CFAP61: variants seen among roughly 807,000 people sequenced by gnomAD.
CFAP61 encodes the protein cilia- and flagella-associated protein 61.
Under a neutral mutation model 135.6 loss-of-function variants are expected in CFAP61, and 107 were observed. The ratio of observed to expected loss-of-function variants is 0.79; its 90% CI spans 0.67 to 0.93. The LOEUF is 0.93. CFAP61 is among the 40% of genes least tolerant of loss of function. The probability of loss-of-function intolerance (pLI) is 0.00; values close to 1 mark genes in which losing one functional copy is unlikely to be tolerated. For synonymous variants in CFAP61, 575 were observed against 578.5 expected (o/e 0.99, Z 0.09); for missense variants, 1,507 against 1,556.2 (o/e 0.97, Z 0.53).
intron 9 of CFAP61, among the ~76,000 whole-genome samples, chr20:20,150,183 C>T (rs1248820200): frequency 2.0e-5 from 3 of 152,092 alleles, no homozygotes; most frequent in African/African-American, 7.2e-5. Context: ...CACCCCCCTA[C>T]ACTCCAAAGT....
intron 21 of CFAP61, among the ~76,000 whole-genome samples, chr20:20,267,044 GTC>G (rs1411367386): frequency 6.6e-6 from 1 of 152,180 alleles, no homozygotes; most frequent in African/African-American, 2.4e-5. Context: ...GAGGATATCA[GTC>G]TCTATTTAAA....
chr20:20,333,974 A>G (rs116382197), intron 25 of CFAP61, among the ~76,000 whole-genome samples: 3,943 of 152,056 alleles, frequency 0.026, 170 homozygotes, highest in African/African-American at 0.091. Context: ...CAGCTCACAG[A>G]CAACACACAT....
At chr20:20,098,549 C>T (rs1196541254) in intron 7 of CFAP61, 106 bp from the exon 8 acceptor site, 11 of 970,530 alleles carry the variant, frequency 1.1e-5, no homozygotes, top group South Asian at 9.4e-5. Context: ...GCGGAGGTTG[C>T]GGTGAGCCAA....
chr20:20,056,006 T>G, intron 1 of CFAP61: 1 of 1,608,854 alleles, frequency 6.2e-7, no homozygotes, highest in Non-Finnish European at 8.5e-7. Context: ...TCTCCACTGT[T>G]GCCGTCATTA....
intron 26 of CFAP61, among the ~76,000 whole-genome samples, chr20:20,346,413 G>A (rs1480730241): frequency 6.6e-6 from 1 of 150,960 alleles, no homozygotes; most frequent in Non-Finnish European, 1.5e-5. Context: ...AGCTACCCGG[G>A]AGGCTGAGGT....
At chr20:20,350,789 C>T (rs183321747) in intron 26 of CFAP61, among the ~76,000 whole-genome samples, 66 of 152,260 alleles carry the variant, frequency 4.3e-4, no homozygotes, top group Admixed American at 1.2e-3. Flanking sequence ...GGTCTAGCCA[C>T]GCAATGGAAT....
chr20:20,294,304 G>A (rs1423659559), intron 24 of CFAP61, among the ~76,000 whole-genome samples: 4 of 152,202 alleles, frequency 2.6e-5, no homozygotes, highest in Non-Finnish European at 5.9e-5. Context: ...ACTGTGAATA[G>A]GAGTGGCCTG....
chr20:20,171,662 TATTATGTA>T (rs1308047038), intron 13 of CFAP61: 2 of 439,354 alleles, frequency 4.6e-6, no homozygotes, highest in African/African-American at 4.1e-5. Flanking sequence ...GACCATAATT[TATTATGTA>T]ATGCATTAAC....
At chr20:20,178,738 A>G (rs533657591) in intron 13 of CFAP61, among the ~76,000 whole-genome samples, 46 of 152,086 alleles carry the variant, frequency 3.0e-4, no homozygotes, top group Admixed American at 5.2e-4. Context: ...GAAAATTACC[A>G]TTGTTCCTAT....
rs2053850446 is a variant in CFAP61 at position 20,277,394 on chromosome 20, A to G, written c.2732A>G (p.His911Arg). Residue 911 changes from histidine to arginine, a missense_variant, in exon 22 of 27, where the codon CAC (histidine) becomes CGC (arginine). By Grantham distance (29) the His-to-Arg change is conservative (BLOSUM62 0). Coordinates refer to ENST00000245957, the MANE Select transcript of CFAP61 (RefSeq NM_015585.4). ...AILAQWNDGL[H>R]PDPIYSASFT... ...CTGGCCCAGTGGAATGACGGCCTGCACCCAGACCCCATCTACAGCGCCTCC... is the reference window on the plus strand; with the variant it reads ...CTGGCCCAGTGGAATGACGGCCTGCGCCCAGACCCCATCTACAGCGCCTCC... The G allele has an allele frequency of 6.2e-7, 1 of 1,613,982 alleles. No homozygotes were observed. Among genetic ancestry groups the G allele is most frequent in the African/African-American group, 1.3e-5 (1 of 74,906 alleles).
chr20:20,303,306 GCTGTTAA>G (rs925393377), intron 25 of CFAP61, among the ~76,000 whole-genome samples: 1 of 152,098 alleles, frequency 6.6e-6, no homozygotes, highest in African/African-American at 2.4e-5. Context: ...AGGGAGTGCC[GCTGTTAA>G]CTGATGAGAG....
At chr20:20,193,147 C>G (rs2056043902) in intron 15 of CFAP61, among the ~76,000 whole-genome samples, 2 of 152,084 alleles carry the variant, frequency 1.3e-5, no homozygotes, top group Admixed American at 1.3e-4. Context: ...TACCTTTAGT[C>G]TTTTTCCAGT....
intron 8 of CFAP61, among the ~76,000 whole-genome samples, chr20:20,107,101 C>T (rs115930432): frequency 0.012 from 1,782 of 152,254 alleles, 42 homozygotes; most frequent in African/African-American, 0.041. Flanking sequence ...GTGGGTCACA[C>T]CCATTGCACT....
intron 18 of CFAP61, among the ~76,000 whole-genome samples, chr20:20,242,296 C>A (rs987907287): frequency 3.3e-5 from 5 of 152,182 alleles, no homozygotes; most frequent in Non-Finnish European, 7.4e-5. Flanking sequence ...AAAAAAAAAT[C>A]TCATCAGCAT....
intron 26 of CFAP61, among the ~76,000 whole-genome samples, chr20:20,344,108 G>C (rs936972608): frequency 3.9e-5 from 6 of 152,352 alleles, no homozygotes; most frequent in African/African-American, 1.4e-4. Context: ...TGTCAAATGG[G>C]AAAGGCCACA....
chr20:20,319,148 C>T (rs1312139308), intron 25 of CFAP61, among the ~76,000 whole-genome samples: 1 of 152,146 alleles, frequency 6.6e-6, no homozygotes, highest in Non-Finnish European at 1.5e-5. Context: ...GAAGCAGTGG[C>T]CTGCCCATAA....
rs116527156 is a variant in CFAP61 at position 20,095,144 on chromosome 20, G to A, written c.700-3511G>A. On this transcript the variant is annotated intron_variant, in intron 7 of 26. Transcript: ENST00000245957. ...CTTGAGGGTTTTTTTTTAAATGTCT[G>A]GGTCTCTATACAGTAGATATAAGAA... Among the ~76,000 whole-genome samples, 930 of 151,438 alleles carry A rather than the reference G, an allele frequency of 6.1e-3. 9 individuals are homozygous for A. Among genetic ancestry groups the A allele is most frequent in the African/African-American group, 0.022 (888 of 41,200 alleles).
intron 21 of CFAP61, among the ~76,000 whole-genome samples, chr20:20,273,538 A>G (rs1347542957): frequency 5.3e-5 from 8 of 152,216 alleles, no homozygotes; most frequent in Non-Finnish European, 1.2e-4. Context: ...ATCCAAAAGT[A>G]TGATCCAGCT....
intron 2 of CFAP61, among the ~76,000 whole-genome samples, chr20:20,064,757 A>T (rs553252407): frequency 6.6e-6 from 1 of 152,324 alleles, no homozygotes; most frequent in East Asian, 1.9e-4. Context: ...CAAGAGGTAG[A>T]CCACATTTTG....
Sources: allele counts gnomAD v4.1 joint callset (sites outside exome capture counted in the v4.1 genomes callset), GRCh38; gene constraint gnomAD v4.1.1; transcripts MANE v1.5; gene names NCBI Gene and HGNC (gene_info 2026-07-23, HGNC 2026-07-21).